The following BCCIP variants were observed in gnomAD, a reference collection of about 807,000 sequenced individuals.
BCCIP encodes BRCA2 and CDKN1A-interacting protein.
BCCIP carries 23 observed loss-of-function variants against 32.8 expected under a neutral mutation model. The ratio of observed to expected loss-of-function variants is 0.70; its 90% CI spans 0.51 to 0.99. The LOEUF (loss-of-function observed/expected upper bound fraction) is 0.99, where lower values mean the gene tolerates loss of function less well. BCCIP is among the 50% of genes least tolerant of loss of function. The pLI, the probability that BCCIP is intolerant of heterozygous loss-of-function variation, is 0.00. For synonymous variants in BCCIP, 144 were observed against 137.6 expected, an observed-to-expected ratio of 1.05 and a Z score of -0.33; for missense variants, 378 against 379.8, an observed-to-expected ratio of 1.00 and a Z score of 0.04.
chr10:125,832,880 C>T (rs965092063), intron 5 of BCCIP, among the ~76,000 whole-genome samples: 9 of 150,614 alleles, frequency 6.0e-5, no homozygotes, highest in African/African-American at 1.7e-4. Flanking sequence ...TTTGGGAGGC[C>T]GAAGCTGGCA....
At chr10:125,832,979 G>C (rs1480596046) in intron 5 of BCCIP, among the ~76,000 whole-genome samples, 1 of 151,456 alleles carries the variant, frequency 6.6e-6, no homozygotes, top group Admixed American at 6.6e-5. Context: ...AAAATTAGCC[G>C]GGTATGGTGG....
chr10:125,827,434 G>T, intron 2 of BCCIP, 124 bp from the exon 3 acceptor site: 1 of 594,424 alleles, frequency 1.7e-6, no homozygotes, highest in Non-Finnish European at 2.8e-6. Flanking sequence ...CCCTCTTGGG[G>T]TTGCTTTTCT....
chr10:125,841,419 C>T (rs1854877568), downstream of BCCIP: 1 of 1,589,778 alleles, frequency 6.3e-7, no homozygotes, highest in Non-Finnish European at 8.6e-7. Flanking sequence ...AGGCACACAA[C>T]ATTATTTGGG....
chr10:125,847,946 T>A (rs913710364), intron 7 of BCCIP, among the ~76,000 whole-genome samples: 1 of 152,170 alleles, frequency 6.6e-6, no homozygotes, highest in Non-Finnish European at 1.5e-5. Context: ...CCCACTCACC[T>A]CCTGCTGTCC....
chr10:125,832,668 C>T (rs1055244432), intron 5 of BCCIP, among the ~76,000 whole-genome samples: 4 of 152,092 alleles, frequency 2.6e-5, no homozygotes, highest in Admixed American at 2.0e-4. Flanking sequence ...GTGGTGCACG[C>T]CTGTAGTCGC....
intron 7 of BCCIP, among the ~76,000 whole-genome samples, chr10:125,850,908 A>G (rs913624992): frequency 5.3e-5 from 8 of 152,226 alleles, no homozygotes; most frequent in Non-Finnish European, 1.2e-4. Context: ...TTCCCAGGGT[A>G]GCGGCAGTCT....
downstream of BCCIP, among the ~76,000 whole-genome samples, chr10:125,843,021 A>G (rs373845252): frequency 6.6e-6 from 1 of 151,982 alleles, no homozygotes; most frequent in East Asian, 1.9e-4. Flanking sequence ...TTTTGCACCA[A>G]CCTAATATTT....
chr10:125,826,782 T>G, intron 2 of BCCIP, 117 bp downstream of exon 2: 1 of 1,462,366 alleles, frequency 6.8e-7, no homozygotes, highest in Non-Finnish European at 9.0e-7. Flanking sequence ...AGAGGATTGC[T>G]TGAGCCCAGG....
chr10:125,851,270 G>T (rs1173717197), intron 7 of BCCIP, among the ~76,000 whole-genome samples: 3 of 152,142 alleles, frequency 2.0e-5, no homozygotes, highest in East Asian at 1.9e-4. Flanking sequence ...TTTTCCCCAA[G>T]CACAGCAGAA....
At chr10:125,841,518 A>G (rs1854880176), downstream of BCCIP, 4 of 1,433,208 alleles carry the variant, frequency 2.8e-6, no homozygotes, top group Non-Finnish European at 2.7e-6. Flanking sequence ...TCTGATGTAT[A>G]AATTTGCTGA....
At position 125,836,090 on chromosome 10, in the gene BCCIP, C is replaced by T. The variant is rs1854674759; in HGVS notation, c.775-14C>T. The T allele has an allele frequency of 6.3e-7, 1 of 1,598,392 alleles. No homozygotes were observed. Among genetic ancestry groups the T allele is most frequent in the Admixed American group, 1.7e-5 (1 of 59,220 alleles). The stretch of plus-strand genomic sequence containing the variant: ...TGTCCCGATTTTTAATTCATGGTTA[C>T]TTATTTGGTTTAGAAGGCAATTCTC... On this transcript the variant is annotated splice_polypyrimidine_tract_variant and intron_variant, in intron 6 of 6. Transcript: ENST00000278100.
chr10:125,834,023 C>T (rs951989200), intron 6 of BCCIP, 77 bp downstream of exon 6: 2 of 1,498,720 alleles, frequency 1.3e-6, no homozygotes, highest in East Asian at 2.3e-5. Context: ...TTATTGTTCT[C>T]CCACTTTAGG....
chr10:125,844,157 C>G (rs983119187), downstream of BCCIP, among the ~76,000 whole-genome samples: 1 of 152,150 alleles, frequency 6.6e-6, no homozygotes, highest in Non-Finnish European at 1.5e-5. Context: ...TTCAAGAGTT[C>G]TATCAGTGAG....
intron 6 of BCCIP, among the ~76,000 whole-genome samples, chr10:125,835,433 G>A (rs569543525): frequency 1.3e-5 from 2 of 151,964 alleles, no homozygotes; most frequent in Admixed American, 1.3e-4. Context: ...CAAAAAATTA[G>A]CCAGGCACAA....
At chr10:125,850,636 T>C (rs1046241436) in intron 7 of BCCIP, among the ~76,000 whole-genome samples, 2 of 152,194 alleles carry the variant, frequency 1.3e-5, no homozygotes, top group African/African-American at 2.4e-5. Flanking sequence ...ATTAGAGGCG[T>C]GAGCCACTGT....
At chr10:125,833,323 G>C (rs2134012947) in intron 5 of BCCIP, among the ~76,000 whole-genome samples, 1 of 152,340 alleles carries the variant, frequency 6.6e-6, no homozygotes, top group Non-Finnish European at 1.5e-5. Context: ...TCAGAAATTA[G>C]TTCCAGACTC....
At chr10:125,841,599 C>T (rs915360892) in exon 7 of BCCIP, 3 of 1,449,462 alleles carry the variant, frequency 2.1e-6, no homozygotes, top group African/African-American at 1.4e-5. Context: ...TATTAAAATA[C>T]CTCACTATCA....
At chr10:125,824,725 C>T (rs1854324166) in intron 1 of BCCIP, among the ~76,000 whole-genome samples, 1 of 103,062 alleles carries the variant, frequency 9.7e-6, no homozygotes, top group African/African-American at 3.5e-5. Context: ...TCAGTCTATA[C>T]TCCACTTACA....
chr10:125,850,543 C>T (rs868220824), intron 7 of BCCIP, among the ~76,000 whole-genome samples: 8 of 151,728 alleles, frequency 5.3e-5, no homozygotes, highest in Non-Finnish European at 8.8e-5. Context: ...TTAGTAGAGA[C>T]GAGATTTCAC....
Sources: gnomAD v4.1 joint callset for allele counts (sites outside exome capture counted in the v4.1 genomes callset) on GRCh38, gnomAD v4.1.1 for gene constraint, MANE v1.5 for transcripts, NCBI Gene and HGNC (gene_info 2026-07-23, HGNC 2026-07-21) for gene names.